ZBTB47: variants seen among roughly 807,000 people sequenced by gnomAD.
ZBTB47 encodes zinc finger and BTB domain-containing protein 47.
In ZBTB47, 24 loss-of-function variants were observed where a neutral mutation model predicts 56.6. The observed-to-expected ratio is 0.42, with a 90% confidence interval of 0.31 to 0.60. ZBTB47 has a LOEUF of 0.60. Ranked by LOEUF, ZBTB47 falls within the 20% of genes least tolerant of loss-of-function variation. The pLI is 0.14. For synonymous variants in ZBTB47, 414 were observed against 418.9 expected (o/e 0.99, Z 0.14); for missense variants, 829 against 1,032.6 (o/e 0.80, Z 2.70).
At chr3:42,655,084 G>C (rs1415050549) in intron 1 of ZBTB47, among the ~76,000 whole-genome samples, 1 of 152,200 alleles carries the variant, frequency 6.6e-6, no homozygotes, top group Non-Finnish European at 1.5e-5. Context: ...GGATGACCCG[G>C]GCCAAGGGGG....
At chr3:42,655,094 G>A (rs924522964) in intron 1 of ZBTB47, among the ~76,000 whole-genome samples, 1 of 152,226 alleles carries the variant, frequency 6.6e-6, no homozygotes, top group African/African-American at 2.4e-5. Flanking sequence ...GGCCAAGGGG[G>A]TGTGGGAGGA....
chr3:42,653,092 C>T (rs1168638391), upstream of ZBTB47, among the ~76,000 whole-genome samples: 1 of 152,170 alleles, frequency 6.6e-6, no homozygotes, highest in Non-Finnish European at 1.5e-5. Flanking sequence ...CCAGGTTTGG[C>T]CCCTGAGACA....
chr3:42,653,996 C>A (rs552939906), intron 1 of ZBTB47, 113 bp downstream of exon 1: 12 of 152,684 alleles, frequency 7.9e-5, no homozygotes, highest in African/African-American at 2.9e-4. Flanking sequence ...AGACTCACCC[C>A]CAGGTCAGAG....
At position 42,663,926 on chromosome 3, in the gene ZBTB47, A is replaced by G; in HGVS notation, c.1867A>G (p.Met623Val). Residue 623 changes from methionine to valine, a missense_variant, in exon 5 of 6, where the codon ATG (methionine) becomes GTG (valine). Transcript: ENST00000232974. The surrounding 1 kb of genome is among the most constrained non-coding windows in gnomAD (Gnocchi z 5.1). ...CATGAAGCAGTACTTCGATGAGCAC[A>G]TGAAGACCCACACAGGTGCGGCTGC... ...FNMKQYFDEHMKTHTGEKPYI... is the reference protein window; with the variant it reads ...FNMKQYFDEHVKTHTGEKPYI... The G allele has an allele frequency of 1.2e-6, 2 of 1,612,456 alleles. No individual in the cohort carries two copies. The highest frequency in any genetic ancestry group is 8.5e-7 in the Non-Finnish European group (1 of 1,179,078).
rs118046300 is a variant in ZBTB47, at chr3:42,655,890, T to C, written c.-82+2007T>C. On this transcript the variant is annotated intron_variant, in intron 1 of 5. Transcript: ENST00000232974. Reference sequence around the variant, plus strand: ...TGTTTGAGAAAGCACTCCCCTCCTTTCCTGCTGAGAGGCCAGAGGGCCAAA... The same window carrying C: ...TGTTTGAGAAAGCACTCCCCTCCTTCCCTGCTGAGAGGCCAGAGGGCCAAA... Among the ~76,000 whole-genome samples the C allele has an allele frequency of 1.2e-4, 18 of 152,316 alleles. No individual in the cohort carries two copies. In the East Asian group the frequency reaches 3.5e-3, roughly 29 times the overall value.
rs774305235 is a variant in ZBTB47, at chr3:42,659,146, T to G, written c.791T>G (p.Val264Gly). 3 of 1,508,120 alleles carry G rather than the reference T, an allele frequency of 2.0e-6. No homozygotes were observed. The South Asian group carries it at 3.8e-5, about 19-fold the overall frequency. The allele number at this position is 1,508,120 out of a possible 1,614,324, so 93.4% of individuals were successfully genotyped here. Reference protein sequence around the residue: ...KPGAGPSPATVVLGREDGLQR... With the variant: ...KPGAGPSPATGVLGREDGLQR... ...GGTGCCGGGCCAAGCCCAGCCACCG[T>G]GGTTCTGGGCCGGGAGGACGGGCTG... Residue 264 changes from valine (V) to glycine (G), a missense_variant, in exon 2 of 6, where the codon GTG (valine) becomes GGG (glycine). Around this residue, in one of 6 missense-constraint regions of ZBTB47, gnomAD observed 359 missense variants for 359.8 expected, o/e 1.00. Coordinates refer to ENST00000232974, the MANE Select transcript of ZBTB47 (RefSeq NM_145166.4).
chr3:42,654,754 C>G lies in ZBTB47; in HGVS notation c.-82+871C>G. 1 of 982,602 alleles carries G rather than the reference C, an allele frequency of 1.0e-6. No homozygotes were observed. Among genetic ancestry groups the G allele is most frequent in the Non-Finnish European group, 1.2e-6 (1 of 827,482 alleles). 60.9% of individuals were successfully genotyped at this position (982,602 alleles called of 1,614,324 possible). ...CGCCCACCTGCCAGCTCTGACCTCC[C>G]AGGCACACGGCCCGCGGGCCCGGGT... On this transcript the variant is annotated intron_variant, in intron 1 of 5. Transcript: ENST00000232974. This position sits in a 1 kb window ranked among gnomAD's most constrained non-coding sequence, Gnocchi z 5.0.
rs777016394 is a variant in ZBTB47, at chr3:42,658,376, G to A, written c.21G>A (p.Gln7=). Reference sequence around the variant, plus strand: ...GCTTGATGGGCCGCCTGAACGAGCAGCGCCTCTTCCAGCCTGACCTCTGCG... The same window carrying A: ...GCTTGATGGGCCGCCTGAACGAGCAACGCCTCTTCCAGCCTGACCTCTGCG... MGRLNE[Q]RLFQPDLCDV... The change falls in exon 2 of 6, where the codon CAG becomes CAA. Residue 7 remains glutamine (Q), a synonymous_variant. Transcript: ENST00000232974. 3.8e-5 allele frequency: 59 copies of A among 1,535,744 alleles called. No homozygotes were observed. The highest frequency in any genetic ancestry group is 4.4e-5 in the Non-Finnish European group (51 of 1,146,238).
rs1461258889 is a variant in ZBTB47, at chr3:42,667,276, T to C, written c.*2678T>C. Among the ~76,000 whole-genome samples the C allele has an allele frequency of 6.6e-6, 1 of 152,208 alleles. No homozygotes were observed. The highest frequency in any genetic ancestry group is 2.4e-5 in the African/African-American group (1 of 41,468). Reference sequence around the variant, plus strand: ...TTGGCTAGAACTCAGGCCTGGAGTCTGGGTCTGCCCCCTCCCCGGCTCCTT... The same window carrying C: ...TTGGCTAGAACTCAGGCCTGGAGTCCGGGTCTGCCCCCTCCCCGGCTCCTT... On this transcript the variant is annotated 3_prime_UTR_variant, in exon 6 of 6. Coordinates refer to ENST00000232974, the MANE Select transcript of ZBTB47 (RefSeq NM_145166.4).
chr3:42,664,829 C>A lies in ZBTB47; in HGVS notation c.*231C>A. 4 of 397,982 alleles carry A rather than the reference C, an allele frequency of 1.0e-5. No individual in the cohort carries two copies. 24.7% of individuals were successfully genotyped at this position (397,982 alleles called of 1,614,324 possible). On this transcript the variant is annotated 3_prime_UTR_variant, in exon 6 of 6. Transcript: ENST00000232974. The stretch of plus-strand genomic sequence containing the variant: ...CCAAGTGCCCCCCCTTTCTGTGACT[C>A]CTTGAAGCCTTTACTTTTTTTTTTT...
At chr3:42,660,596 C>T (rs192786563) in intron 2 of ZBTB47, among the ~76,000 whole-genome samples, 7 of 152,332 alleles carry the variant, frequency 4.6e-5, no homozygotes, top group Non-Finnish European at 1.0e-4. Flanking sequence ...TTCACCTCTT[C>T]TGGCCCAGGA....
chr3:42,653,202 C>CCAT (rs1434355664), upstream of ZBTB47, among the ~76,000 whole-genome samples: 1 of 152,178 alleles, frequency 6.6e-6, no homozygotes, highest in Non-Finnish European at 1.5e-5. Flanking sequence ...ACAGGACAGA[C>CCAT]CATCAGGCTG....
Position 42,663,690 on chromosome 3 carries a change from CCT to C in ZBTB47, c.1738-106_1738-105del. 1.4e-6 allele frequency: 2 copies of C among 1,433,862 alleles called. No individual in the cohort carries two copies. The highest frequency in any genetic ancestry group is 1.9e-6 in the Non-Finnish European group (2 of 1,055,138). 88.8% of individuals were successfully genotyped at this position (1,433,862 alleles called of 1,614,324 possible). A position where few individuals can be genotyped will look rare whatever the true frequency, so the allele number is the denominator to read the frequency against. ...GTCCCCATCTCCTTGCCCAGGAGCC[CCT>C]GAGTGTGTCCCTCCTTGGCCCTGTG... is the stretch of plus-strand genomic sequence containing the variant. On this transcript the variant is annotated intron_variant, in intron 4 of 5. Transcript: ENST00000232974. The surrounding 1 kb of genome is among the most constrained non-coding windows in gnomAD (Gnocchi z 5.1).
intron 2 of ZBTB47, among the ~76,000 whole-genome samples, 183 bp from the exon 3 acceptor site, chr3:42,661,302 G>T (rs1483494199): frequency 1.3e-5 from 2 of 152,130 alleles, no homozygotes; most frequent in Admixed American, 1.3e-4. Flanking sequence ...CTGTGTGTTT[G>T]GGGGTGTTTA....
In ZBTB47 at chr3:42,658,900, T is replaced by C. The variant is rs1257390886; in HGVS notation, c.545T>C (p.Ile182Thr). The C allele has an allele frequency of 1.1e-5, 16 of 1,506,872 alleles. No individual in the cohort carries two copies. The highest frequency in any genetic ancestry group is 1.3e-5 in the Non-Finnish European group (15 of 1,131,480). 93.3% of individuals were successfully genotyped at this position (1,506,872 alleles called of 1,614,324 possible). Reference protein sequence around the residue: ...GTAGGTVPATIGPAQPFFKEE... With the variant: ...GTAGGTVPATTGPAQPFFKEE... Reference sequence around the variant, plus strand: ...GCTGGTGGCACAGTGCCTGCCACCATTGGGCCAGCCCAGCCCTTCTTTAAG... The same window carrying C: ...GCTGGTGGCACAGTGCCTGCCACCACTGGGCCAGCCCAGCCCTTCTTTAAG... Residue 182 changes from isoleucine to threonine, a missense_variant, in exon 2 of 6, where the codon ATT becomes ACT. By Grantham distance (89) the Ile-to-Thr change is moderately conservative (BLOSUM62 -1). Around this residue, in one of 6 missense-constraint regions of ZBTB47, gnomAD observed 359 missense variants for 359.8 expected, o/e 1.00. Coordinates refer to ENST00000232974, the MANE Select transcript of ZBTB47 (RefSeq NM_145166.4).
rs1710763557 is a variant in ZBTB47 at position 42,664,709 on chromosome 3, C to T, written c.*111C>T. On this transcript the variant is annotated 3_prime_UTR_variant, in exon 6 of 6. Coordinates refer to ENST00000232974, the MANE Select transcript of ZBTB47 (RefSeq NM_145166.4). ...TAGTGCGGGCCTGGGCCCTGCTCCA[C>T]CTCCAGAAGTGGCTGGATGTACCCT... The T allele has an allele frequency of 8.0e-7, 1 of 1,256,538 alleles. No homozygotes were observed. The highest frequency in any genetic ancestry group is 1.0e-6 in the Non-Finnish European group (1 of 984,720). 77.8% of individuals were successfully genotyped at this position (1,256,538 alleles called of 1,614,324 possible). A position where few individuals can be genotyped will look rare whatever the true frequency, so the allele number is the denominator to read the frequency against.
At chr3:42,658,188 G>GGCTGGCAATGCTGGGAGTGGT in intron 1 of ZBTB47, 87 bp from the exon 2 acceptor site, 1 of 1,363,002 alleles carries the variant, frequency 7.3e-7, no homozygotes, top group East Asian at 2.5e-5. Context: ...CCTCCTGGAT[G>GGCTGGCAATGCTGGGAGTGGT]GCTGGCAATG....
In ZBTB47 at chr3:42,666,022, G is replaced by T. The variant is rs1710784520; in HGVS notation, c.*1424G>T. On this transcript the variant is annotated 3_prime_UTR_variant, in exon 6 of 6. Coordinates refer to ENST00000232974, the MANE Select transcript of ZBTB47 (RefSeq NM_145166.4). Reference sequence around the variant, plus strand: ...CTATTGCCTTCCCAGCATGGCTGGAGTGGGAAGAGGCTTGGGCCCCGGGGG... The same window carrying T: ...CTATTGCCTTCCCAGCATGGCTGGATTGGGAAGAGGCTTGGGCCCCGGGGG... Among the ~76,000 whole-genome samples, 2 of 152,210 alleles carry T rather than the reference G, an allele frequency of 1.3e-5. No homozygotes were observed. Among genetic ancestry groups the T allele is most frequent in the South Asian group, 4.1e-4 (2 of 4,826 alleles).
At position 42,658,465 on chromosome 3, in the gene ZBTB47, CCTACAGCCAGTT is replaced by C; in HGVS notation, c.113_124del (p.Tyr38_Phe41del). ...CCGGCACACAAGGGTGTGCTAGCCG[CCTACAGCCAGTT>C]CTTCCACTCACTCTTCACCCAGAAC... On this transcript the variant is annotated inframe_deletion, in exon 2 of 6. Coordinates refer to ENST00000232974, the MANE Select transcript of ZBTB47 (RefSeq NM_145166.4). The C allele has an allele frequency of 6.5e-7, 1 of 1,537,100 alleles. No homozygotes were observed. The highest frequency in any genetic ancestry group is 8.7e-7 in the Non-Finnish European group (1 of 1,146,926).
Sources: allele counts gnomAD v4.1 joint callset (sites outside exome capture counted in the v4.1 genomes callset), GRCh38; gene constraint gnomAD v4.1.1; regional missense constraint gnomAD v4.1.1; non-coding constraint Gnocchi (gnomAD v3.1); transcripts MANE v1.5; gene names NCBI Gene and HGNC (gene_info 2026-07-23, HGNC 2026-07-21).